Variants in GPC5 observed in about 807,000 individuals in gnomAD.
GPC5 encodes the protein glypican-5.
Under a neutral mutation model 53.9 loss-of-function variants are expected in GPC5, and 47 were observed. That is an observed-to-expected ratio of 0.87 (90% CI 0.69 to 1.11). The LOEUF (loss-of-function observed/expected upper bound fraction) is 1.11. Among genes scored for constraint, GPC5 ranks in the 50% most tolerant of loss-of-function variants. The pLI is 0.00. For missense variants in GPC5, 748 were observed against 713.1 expected (o/e 1.05, Z -0.56); for synonymous variants, 286 against 263.3 (o/e 1.09, Z -0.84).
At chr13:92,504,571 C>T (rs1880300134) in intron 7 of GPC5, among the ~76,000 whole-genome samples, 1 of 151,836 alleles carries the variant, frequency 6.6e-6, no homozygotes, top group African/African-American at 2.4e-5. Flanking sequence ...AAATGGGAGA[C>T]TTTCATTTTC....
chr13:91,695,460 G>A (rs1010637152), intron 3 of GPC5, among the ~76,000 whole-genome samples: 8 of 152,002 alleles, frequency 5.3e-5, no homozygotes, highest in Non-Finnish European at 1.2e-4. Context: ...TGCAAGCTCC[G>A]CCTTCCGGGT....
At chr13:91,957,927 C>T (rs940823022) in intron 6 of GPC5, among the ~76,000 whole-genome samples, 1 of 151,746 alleles carries the variant, frequency 6.6e-6, no homozygotes, top group African/African-American at 2.4e-5. Context: ...CAGAAGATTA[C>T]CAAAGCACAA....
intron 4 of GPC5, among the ~76,000 whole-genome samples, chr13:91,728,999 G>C (rs1168591962): frequency 2.0e-5 from 3 of 152,118 alleles, no homozygotes; most frequent in Non-Finnish European, 4.4e-5. Flanking sequence ...TGTAAATGTG[G>C]CTAGTGGCTA....
intron 6 of GPC5, among the ~76,000 whole-genome samples, chr13:92,076,326 C>T (rs2041252114): frequency 6.6e-6 from 1 of 152,260 alleles, no homozygotes; most frequent in Middle Eastern, 3.4e-3. Context: ...CTGCCTCGGC[C>T]TCCCAAAGTG....
At chr13:92,792,556 G>A (rs987728803) in intron 7 of GPC5, among the ~76,000 whole-genome samples, 8 of 152,050 alleles carry the variant, frequency 5.3e-5, no homozygotes, top group Non-Finnish European at 1.0e-4. Context: ...AACCTTAAAC[G>A]TAAGTGGGCT....
chr13:91,781,784 G>A (rs1369032908), intron 5 of GPC5, among the ~76,000 whole-genome samples: 1 of 152,172 alleles, frequency 6.6e-6, no homozygotes, highest in Non-Finnish European at 1.5e-5. Flanking sequence ...TCCAAAGCTT[G>A]TGACTTTTAA....
intron 7 of GPC5, among the ~76,000 whole-genome samples, chr13:92,663,917 C>CAG (rs1886480475): frequency 2.4e-5 from 3 of 123,330 alleles, no homozygotes; most frequent in Non-Finnish European, 4.9e-5. Context: ...CACACACACA[C>CAG]AAAAATTAGC....
intron 5 of GPC5, among the ~76,000 whole-genome samples, chr13:91,793,184 G>A (rs2037995255): frequency 6.6e-6 from 1 of 152,160 alleles, no homozygotes; most frequent in Non-Finnish European, 1.5e-5. Flanking sequence ...GGAAGGGGAG[G>A]CAAACACATT....
Position 91,900,968 on chromosome 13 carries a change from C to T in GPC5, c.1281-6969C>T, listed in dbSNP as rs912326787. Among the ~76,000 whole-genome samples, 31 of 152,168 alleles carry T rather than the reference C, an allele frequency of 2.0e-4. No homozygotes were observed. In the East Asian group the frequency reaches 2.7e-3, roughly 13 times the overall value. On this transcript the variant is annotated intron_variant, in intron 5 of 7. Coordinates refer to ENST00000377067, the MANE Select transcript of GPC5 (RefSeq NM_004466.6). ...TTGCCAAATCAGGAGTTAGGGTGAA[C>T]AGTGATTAATATCCATTCTTTAATG...
intron 2 of GPC5, among the ~76,000 whole-genome samples, chr13:91,453,025 C>T (rs1881291797): frequency 7.4e-6 from 1 of 135,652 alleles, no homozygotes; most frequent in Non-Finnish European, 1.6e-5. Flanking sequence ...ATGCATTATT[C>T]TAAAAAAATG....
intron 7 of GPC5, among the ~76,000 whole-genome samples, chr13:92,297,069 G>T (rs939045969): frequency 6.6e-5 from 10 of 152,256 alleles, no homozygotes; most frequent in African/African-American, 2.4e-4. Flanking sequence ...CGCAGGACTG[G>T]CAGGCAGCTC....
intron 7 of GPC5, among the ~76,000 whole-genome samples, chr13:92,567,372 AAT>A (rs1300543140): frequency 6.6e-6 from 1 of 152,114 alleles, no homozygotes; most frequent in Admixed American, 6.6e-5. Flanking sequence ...ACAGGCTGAT[AAT>A]ATGATTGCTG....
At chr13:92,494,925 C>T (rs903934923) in intron 7 of GPC5, among the ~76,000 whole-genome samples, 2 of 152,102 alleles carry the variant, frequency 1.3e-5, no homozygotes, top group African/African-American at 4.8e-5. Context: ...TTGTATTATA[C>T]AGTTTATTTT....
At chr13:91,556,454 A>G (rs556369713) in intron 2 of GPC5, among the ~76,000 whole-genome samples, 129 of 152,010 alleles carry the variant, frequency 8.5e-4, no homozygotes, top group African/African-American at 2.9e-3. Context: ...ACAGTTTGCA[A>G]TTGCAAAAAT....
At chr13:92,422,505 CACACACACACACACACACACACACACAA>C in intron 7 of GPC5, among the ~76,000 whole-genome samples, 1 of 76,816 alleles carries the variant, frequency 1.3e-5, no homozygotes, top group African/African-American at 3.8e-5. Flanking sequence ...CACACACACA[CACACACACACACACACACACACACACAA>C]CTTCTTGGAA....
At chr13:92,703,585 A>ATAAATAATTTATT (rs1204043131) in intron 7 of GPC5, among the ~76,000 whole-genome samples, 3 of 150,124 alleles carry the variant, frequency 2.0e-5, no homozygotes, top group Non-Finnish European at 3.0e-5. Context: ...TAAATTCATT[A>ATAAATAATTTATT]TAAATAATTT....
chr13:92,221,156 C>A (rs1304552371), intron 7 of GPC5, among the ~76,000 whole-genome samples: 1 of 152,162 alleles, frequency 6.6e-6, no homozygotes, highest in Non-Finnish European at 1.5e-5. Context: ...AGTTAATAAA[C>A]TTCTGCCCTA....
At chr13:92,797,863 A>AGAT (rs942235617) in intron 7 of GPC5, among the ~76,000 whole-genome samples, 7 of 141,082 alleles carry the variant, frequency 5.0e-5, no homozygotes, top group African/African-American at 1.1e-4. Flanking sequence ...ATAGATAGAT[A>AGAT]GATAGATGAT....
chr13:92,188,616 A>G (rs2042200901), intron 7 of GPC5, among the ~76,000 whole-genome samples: 1 of 152,234 alleles, frequency 6.6e-6, no homozygotes. Flanking sequence ...TTCCACATTT[A>G]ATTGAATAGA....
Sources: allele counts gnomAD v4.1 joint callset (sites outside exome capture counted in the v4.1 genomes callset), GRCh38; gene constraint gnomAD v4.1.1; transcripts MANE v1.5; gene names NCBI Gene and HGNC (gene_info 2026-07-23, HGNC 2026-07-21).